LYRM7: variants seen among roughly 807,000 people sequenced by gnomAD.
The protein encoded by LYRM7 is complex III assembly factor LYRM7.
In LYRM7, 9 loss-of-function variants were observed where a neutral mutation model predicts 15.8. The observed-to-expected ratio is 0.57, with a 90% CI of 0.34 to 0.99. LYRM7 has a LOEUF of 0.99. Ranked by LOEUF, LYRM7 falls within the 50% of genes least tolerant of loss-of-function variation. The pLI is 0.02. For missense variants in LYRM7, 115 were observed against 119.1 expected (o/e 0.97, Z 0.16); for synonymous variants, 39 against 39.4 (o/e 0.99, Z 0.04).
chr5:131,172,241 C>T (rs1462530303), intron 1 of LYRM7, among the ~76,000 whole-genome samples: 1 of 152,172 alleles, frequency 6.6e-6, no homozygotes, highest in Non-Finnish European at 1.5e-5. Context: ...TGGTGAAACC[C>T]TATCTCTACT....
At position 131,203,954 on chromosome 5, in the gene LYRM7, A is replaced by G. The variant is rs1480695735; in HGVS notation, c.*4353A>G. ...AAGTCTCTAGTGATGAGAGAAATGT[A>G]AATTAAAATGAAACATGTTTGTTCA... On this transcript the variant is annotated 3_prime_UTR_variant, in exon 5 of 5. Transcript: ENST00000379380. 6.6e-6 allele frequency: 1 copy of G among 152,244 alleles called. No individual in the cohort carries two copies. The highest frequency in any genetic ancestry group is 1.5e-5 in the Non-Finnish European group (1 of 68,042). 9.4% of individuals were successfully genotyped at this position (152,244 alleles called of 1,614,324 possible). A position where few individuals can be genotyped will look rare whatever the true frequency, so the allele number is the denominator to read the frequency against.
chr5:131,171,995 C>G (rs530249493), intron 1 of LYRM7, among the ~76,000 whole-genome samples: 2 of 152,186 alleles, frequency 1.3e-5, no homozygotes, highest in African/African-American at 4.8e-5. Flanking sequence ...AGCTGAACAT[C>G]CTTGCCTTCA....
intron 3 of LYRM7, 49 bp from the exon 4 acceptor site, chr5:131,186,979 A>G: frequency 9.5e-7 from 1 of 1,050,008 alleles, no homozygotes; most frequent in Non-Finnish European, 1.4e-6. Context: ...CAGTACATTC[A>G]TATGAAACAC....
intron 4 of LYRM7, among the ~76,000 whole-genome samples, chr5:131,193,865 C>T (rs552220234): frequency 1.8e-3 from 274 of 152,066 alleles, no homozygotes; most frequent in Non-Finnish European, 2.3e-3. Flanking sequence ...CAAAATTAGC[C>T]GGGCATGGTG....
intron 3 of LYRM7, among the ~76,000 whole-genome samples, chr5:131,185,408 G>T (rs1417170689): frequency 6.6e-6 from 1 of 152,034 alleles, no homozygotes; most frequent in Non-Finnish European, 1.5e-5. Flanking sequence ...GCCTCTTCTT[G>T]GGATATTCTC....
intron 2 of LYRM7, among the ~76,000 whole-genome samples, chr5:131,181,553 G>A (rs753848784): frequency 4.8e-4 from 71 of 147,474 alleles, no homozygotes; most frequent in Middle Eastern, 7.0e-3. Flanking sequence ...GAATATTTTT[G>A]TTGCTTTAAA....
intron 1 of LYRM7, among the ~76,000 whole-genome samples, chr5:131,173,263 A>G (rs972935604): frequency 5.3e-5 from 8 of 152,214 alleles, no homozygotes; most frequent in Non-Finnish European, 1.2e-4. Context: ...CTCAATTCCA[A>G]AGCCACTTCC....
At chr5:131,192,082 A>AC (rs1554090659) in intron 4 of LYRM7, among the ~76,000 whole-genome samples, 4 of 141,406 alleles carry the variant, frequency 2.8e-5, no homozygotes, top group Non-Finnish European at 6.3e-5. Flanking sequence ...CACACACACA[A>AC]TGCAATATTA....
chr5:131,172,752 A>T (rs1010858813), intron 1 of LYRM7, among the ~76,000 whole-genome samples: 3 of 152,224 alleles, frequency 2.0e-5, no homozygotes, highest in Non-Finnish European at 2.9e-5. Context: ...CCTTAAAATT[A>T]ATCCATTATT....
chr5:131,192,152 C>T (rs1755897553), intron 4 of LYRM7, among the ~76,000 whole-genome samples: 1 of 151,608 alleles, frequency 6.6e-6, no homozygotes, highest in East Asian at 1.9e-4. Flanking sequence ...ACCTGGAAGA[C>T]ATTATGTTAA....
rs1013594685 is a variant in LYRM7 at position 131,201,560 on chromosome 5, A to C, written c.*1959A>C. The C allele has an allele frequency of 6.6e-6, 1 of 151,818 alleles. No homozygotes were observed. Among genetic ancestry groups the C allele is most frequent in the African/African-American group, 2.4e-5 (1 of 41,302 alleles). 9.4% of individuals were successfully genotyped at this position (151,818 alleles called of 1,614,324 possible). On this transcript the variant is annotated 3_prime_UTR_variant, in exon 5 of 5. Coordinates refer to ENST00000379380, the MANE Select transcript of LYRM7 (RefSeq NM_181705.4). ...GGGGAAACCCTGTCTCTACTAAAAA[A>C]AATACAGAATTAGCCAGGTGTGGTG... is the stretch of plus-strand genomic sequence containing the variant.
chr5:131,183,612 C>T (rs1755746789), intron 3 of LYRM7, among the ~76,000 whole-genome samples: 1 of 152,052 alleles, frequency 6.6e-6, no homozygotes, highest in African/African-American at 2.4e-5. Flanking sequence ...GTACTTTCTG[C>T]AACTGAAAAA....
intron 4 of LYRM7, among the ~76,000 whole-genome samples, chr5:131,195,394 T>TAG (rs1233415234): frequency 1.3e-5 from 2 of 152,198 alleles, no homozygotes; most frequent in Non-Finnish European, 2.9e-5. Context: ...GTCTACAGCC[T>TAG]AGAGTCTAAT....
chr5:131,171,137 G>C (rs1580689825), intron 1 of LYRM7, 99 bp downstream of exon 1: 2 of 1,231,692 alleles, frequency 1.6e-6, no homozygotes, highest in East Asian at 6.1e-5. Flanking sequence ...TGGGGCTCCT[G>C]ACCCTTTATG....
Position 131,202,921 on chromosome 5 carries a change from G to A in LYRM7, c.*3320G>A, listed in dbSNP as rs1756099248. The A allele has an allele frequency of 6.6e-6, 1 of 152,216 alleles. No homozygotes were observed. Among genetic ancestry groups the A allele is most frequent in the South Asian group, 2.1e-4 (1 of 4,816 alleles). 9.4% of individuals were successfully genotyped at this position (152,216 alleles called of 1,614,324 possible). A position where few individuals can be genotyped will look rare whatever the true frequency, so the allele number is the denominator to read the frequency against. ...AAGCATATGTAGATTCGAAGCTGGG[G>A]GAATATGGCAGGTAGTTTGTACAAC... On this transcript the variant is annotated 3_prime_UTR_variant, in exon 5 of 5. Coordinates refer to ENST00000379380, the MANE Select transcript of LYRM7 (RefSeq NM_181705.4).
chr5:131,195,057 A>G (rs545898137), intron 4 of LYRM7, among the ~76,000 whole-genome samples: 1 of 152,258 alleles, frequency 6.6e-6, no homozygotes, highest in South Asian at 2.1e-4. Context: ...TGAGGTCAGG[A>G]GTTTGAGACC....
At chr5:131,180,500 A>G (rs1360149591) in intron 2 of LYRM7, among the ~76,000 whole-genome samples, 2 of 152,190 alleles carry the variant, frequency 1.3e-5, no homozygotes, top group African/African-American at 4.8e-5. Flanking sequence ...AGATATTACC[A>G]TGTTGTTAAT....
At chr5:131,189,666 A>G (rs1376997354) in intron 4 of LYRM7, among the ~76,000 whole-genome samples, 1 of 152,070 alleles carries the variant, frequency 6.6e-6, no homozygotes, top group East Asian at 1.9e-4. Context: ...TAAGAACTAT[A>G]TATGTGTGCA....
chr5:131,181,381 AATATATACATATATATT>A (rs1205370243), intron 2 of LYRM7, among the ~76,000 whole-genome samples: 4 of 76,474 alleles, frequency 5.2e-5, no homozygotes, highest in African/African-American at 9.0e-5. Context: ...ATGTATATAT[AATATATACATATATATT>A]ATATATACAT....
Sources: allele counts gnomAD v4.1 joint callset (sites outside exome capture counted in the v4.1 genomes callset), GRCh38; gene constraint gnomAD v4.1.1; transcripts MANE v1.5; gene names NCBI Gene and HGNC (gene_info 2026-07-23, HGNC 2026-07-21).